The following ANKRD24 variants were observed in gnomAD, a reference collection of about 807,000 sequenced individuals.
ANKRD24 encodes ankyrin repeat domain 24.
ANKRD24 carries 109 observed loss-of-function variants against 127.8 expected under a neutral mutation model. That is an observed-to-expected ratio of 0.85 (90% CI 0.73 to 1.00). ANKRD24 has a LOEUF of 1.00. ANKRD24 is among the 50% of genes least tolerant of loss of function. The probability of loss-of-function intolerance (pLI) is 0.00; values close to 1 mark genes in which losing one functional copy is unlikely to be tolerated. For missense variants in ANKRD24, 1,648 were observed against 1,570.2 expected (o/e 1.05, Z -0.84); for synonymous variants, 743 against 671.1 (o/e 1.11, Z -1.66).
chr19:4,220,943 C>A (rs1205495671), intron 19 of ANKRD24, among the ~76,000 whole-genome samples: 1 of 151,304 alleles, frequency 6.6e-6, no homozygotes, highest in African/African-American at 2.4e-5. Context: ...GTCACCCAGG[C>A]TGGAGTGCAG....
intron 7 of ANKRD24, among the ~76,000 whole-genome samples, chr19:4,206,559 C>G (rs1019949049): frequency 6.6e-6 from 1 of 150,640 alleles, no homozygotes; most frequent in Non-Finnish European, 1.5e-5. Flanking sequence ...CTTGGGAGGC[C>G]GAGGCAGGAG....
Position 4,198,481 on chromosome 19 carries a change from C to T in ANKRD24, c.37-1202C>T. ...AACCCCGTGCGCCCCCCGCGCCCCG[C>T]GCCCCGGACGCCATGAAGCAGCTGT... On this transcript the variant is annotated intron_variant, in intron 2 of 21. Transcript: ENST00000318934. This position sits in a 1 kb window ranked among gnomAD's most constrained non-coding sequence, Gnocchi z 6.1. 1 of 621,314 alleles carries T rather than the reference C, an allele frequency of 1.6e-6. No homozygotes were observed. The highest frequency in any genetic ancestry group is 3.9e-4 in the Middle Eastern group (1 of 2,572). 38.5% of individuals were successfully genotyped at this position (621,314 alleles called of 1,614,324 possible).
chr19:4,210,653 G>C (rs1336748334), intron 13 of ANKRD24, among the ~76,000 whole-genome samples: 4 of 151,818 alleles, frequency 2.6e-5, no homozygotes, highest in African/African-American at 9.7e-5. Context: ...TCTAGCCCCA[G>C]ATGGCCCCAC....
intron 2 of ANKRD24, among the ~76,000 whole-genome samples, chr19:4,196,680 G>C (rs1250201658): frequency 6.6e-6 from 1 of 152,094 alleles, no homozygotes; most frequent in South Asian, 2.1e-4. Context: ...TGGCCTCCAG[G>C]GCTCCTTCTA....
intron 7 of ANKRD24, among the ~76,000 whole-genome samples, chr19:4,203,670 A>G (rs1448405628): frequency 6.8e-6 from 1 of 147,208 alleles, no homozygotes; most frequent in African/African-American, 2.5e-5. Flanking sequence ...TTCTTGACAT[A>G]GAATCTCCCT....
At position 4,224,713 on chromosome 19, in the gene ANKRD24, C is replaced by T; in HGVS notation, c.*208C>T. On this transcript the variant is annotated 3_prime_UTR_variant, in exon 22 of 22. Transcript: ENST00000318934. ...GCACGCACACACTGGTCAGTCTGGA[C>T]CCGGGCCGTGACTGCCCCTCCCCCA... 1 of 589,090 alleles carries T rather than the reference C, an allele frequency of 1.7e-6. No homozygotes were observed. The allele number at this position is 589,090 out of a possible 1,614,324, so 36.5% of individuals were successfully genotyped here. A position where few individuals can be genotyped will look rare whatever the true frequency, so the allele number is the denominator to read the frequency against.
At chr19:4,213,238 CCTCCTTCCTTCCTTTCCTTCTTTCCT>C (rs1478410728) in intron 15 of ANKRD24, among the ~76,000 whole-genome samples, 3 of 93,914 alleles carry the variant, frequency 3.2e-5, no homozygotes, top group African/African-American at 1.3e-4. Context: ...TCCTTCCCTC[CCTCCTTCCTTCCTTTCCTTCTTTCCT>C]TTCCTTCCTT....
intron 19 of ANKRD24, among the ~76,000 whole-genome samples, chr19:4,220,999 C>T (rs996240219): frequency 6.6e-6 from 1 of 151,644 alleles, no homozygotes; most frequent in African/African-American, 2.4e-5. Flanking sequence ...TGGGTTCAAG[C>T]GATCTTCCTG....
intron 15 of ANKRD24, among the ~76,000 whole-genome samples, chr19:4,215,167 A>G (rs1969985416): frequency 6.6e-6 from 1 of 152,174 alleles, no homozygotes; most frequent in African/African-American, 2.4e-5. Flanking sequence ...AATTAATGCA[A>G]CTCAATACCC....
chr19:4,222,585 C>T (rs1488454394), intron 19 of ANKRD24, 85 bp from the exon 20 acceptor site: 96 of 1,426,644 alleles, frequency 6.7e-5, no homozygotes, highest in Non-Finnish European at 8.9e-5. Flanking sequence ...AGCCTTTATC[C>T]CTGGCCTCTT....
intron 2 of ANKRD24, among the ~76,000 whole-genome samples, chr19:4,189,660 A>G (rs1968274024): frequency 2.0e-5 from 3 of 152,036 alleles, no homozygotes; most frequent in South Asian, 4.1e-4. Context: ...GGGACTACAG[A>G]TGTGCAGTAC....
chr19:4,185,711 G>A (rs1377652761), intron 1 of ANKRD24, among the ~76,000 whole-genome samples: 1 of 152,206 alleles, frequency 6.6e-6, no homozygotes, highest in Non-Finnish European at 1.5e-5. Flanking sequence ...TCACATGGAG[G>A]TTCCCTCTGA....
intron 2 of ANKRD24, among the ~76,000 whole-genome samples, chr19:4,187,190 A>G (rs1968112494): frequency 6.6e-6 from 1 of 152,044 alleles, no homozygotes; most frequent in Non-Finnish European, 1.5e-5. Context: ...AGGCAGGCAG[A>G]TCACGTGAGG....
chr19:4,205,913 C>T (rs986953144), intron 7 of ANKRD24, among the ~76,000 whole-genome samples: 3 of 151,846 alleles, frequency 2.0e-5, no homozygotes, highest in Non-Finnish European at 4.4e-5. Flanking sequence ...GAGGCCGAGG[C>T]GGGTGGATCA....
chr19:4,216,545 C>G lies in ANKRD24; in HGVS notation c.1390-5C>G. The G allele has an allele frequency of 6.2e-7, 1 of 1,602,856 alleles. No homozygotes were observed. On this transcript the variant is annotated splice_polypyrimidine_tract_variant and splice_region_variant and intron_variant, in intron 17 of 21. Coordinates refer to ENST00000318934, the MANE Select transcript of ANKRD24 (RefSeq NM_001393985.1). ...CAGACTCCTGCCCCCCACTCCACTCCCCAGATCCTGGAGAACTTTGAGAAG... is the reference window on the plus strand; with the variant it reads ...CAGACTCCTGCCCCCCACTCCACTCGCCAGATCCTGGAGAACTTTGAGAAG...
chr19:4,207,726 G>C (rs1969472796), intron 9 of ANKRD24, 55 bp from the exon 10 acceptor site: 1 of 1,577,634 alleles, frequency 6.3e-7, no homozygotes, highest in East Asian at 2.3e-5. Flanking sequence ...TGCTGAGGTG[G>C]GCATGGGGGC....
Position 4,198,214 on chromosome 19 carries a change from G to C in ANKRD24, c.37-1469G>C. ...GTCCTCCTCATCCTCCAGGCGACAA[G>C]GTCAGGAGGGGCCGGGGCGGCGCCC... On this transcript the variant is annotated intron_variant, in intron 2 of 21. Transcript: ENST00000318934. The surrounding 1 kb of genome is among the most constrained non-coding windows in gnomAD (Gnocchi z 6.1). 1 of 547,932 alleles carries C rather than the reference G, an allele frequency of 1.8e-6. No individual in the cohort carries two copies. The allele number at this position is 547,932 out of a possible 1,614,324, so 33.9% of individuals were successfully genotyped here. A position where few individuals can be genotyped will look rare whatever the true frequency, so the allele number is the denominator to read the frequency against.
intron 5 of ANKRD24, among the ~76,000 whole-genome samples, chr19:4,200,666 C>T (rs1194283447): frequency 6.6e-6 from 1 of 152,054 alleles, no homozygotes; most frequent in Non-Finnish European, 1.5e-5. Flanking sequence ...GGACTATAGG[C>T]GCACACCACC....
chr19:4,211,082 C>T (rs760767511), intron 13 of ANKRD24, among the ~76,000 whole-genome samples: 3 of 151,944 alleles, frequency 2.0e-5, no homozygotes, highest in East Asian at 2.0e-4. Flanking sequence ...ATCCTCCCGC[C>T]GCGGCCTCCT....
Sources: allele counts gnomAD v4.1 joint callset (sites outside exome capture counted in the v4.1 genomes callset), GRCh38; gene constraint gnomAD v4.1.1; non-coding constraint Gnocchi (gnomAD v3.1); transcripts MANE v1.5; gene names NCBI Gene and HGNC (gene_info 2026-07-23, HGNC 2026-07-21).